Variants in MRPL48 observed in about 807,000 individuals in gnomAD.
MRPL48 encodes the protein mitochondrial ribosomal protein L48, also known as large ribosomal subunit protein mL48.
In MRPL48, 16 loss-of-function variants were observed where a neutral mutation model predicts 32.9. The observed-to-expected ratio is 0.49, with a 90% CI of 0.33 to 0.74. The LOEUF (loss-of-function observed/expected upper bound fraction) is 0.74. Among genes scored for constraint, MRPL48 ranks in the 30% least tolerant of loss-of-function variants. MRPL48 has a pLI of 0.02. For missense variants in MRPL48, 206 were observed against 245.3 expected, an observed-to-expected ratio of 0.84 and a Z score of 1.07; for synonymous variants, 94 against 89.2, an observed-to-expected ratio of 1.05 and a Z score of -0.31.
chr11:73,802,628 C>G lies in MRPL48; in HGVS notation c.22-2399C>G, dbSNP rs923001511. On this transcript the variant is annotated intron_variant, in intron 1 of 7. Transcript: ENST00000310614. ...TAGTATAATGTTTTCAAGATTCATCCCTGTAGTTACATTTTGTTTTTATAT... is the reference window on the plus strand; with the variant it reads ...TAGTATAATGTTTTCAAGATTCATCGCTGTAGTTACATTTTGTTTTTATAT... Among the ~76,000 whole-genome samples, 11 of 152,230 alleles carry G rather than the reference C, an allele frequency of 7.2e-5. No individual in the cohort carries two copies. In the South Asian group the frequency reaches 2.3e-3, roughly 32 times the overall value.
At chr11:73,843,784 A>C (rs1948234637) in intron 4 of MRPL48, among the ~76,000 whole-genome samples, 1 of 151,728 alleles carries the variant, frequency 6.6e-6, no homozygotes, top group Non-Finnish European at 1.5e-5. Flanking sequence ...TTTGCATATA[A>C]ATTTTGGGGC....
At chr11:73,819,062 G>GT (rs1947727645) in intron 3 of MRPL48, among the ~76,000 whole-genome samples, 1 of 152,184 alleles carries the variant, frequency 6.6e-6, no homozygotes, top group Non-Finnish European at 1.5e-5. Context: ...AAAGAATTCA[G>GT]TTGAACTTAT....
At chr11:73,841,283 C>T (rs1948181723) in intron 4 of MRPL48, among the ~76,000 whole-genome samples, 1 of 152,194 alleles carries the variant, frequency 6.6e-6, no homozygotes, top group African/African-American at 2.4e-5. Flanking sequence ...AGTAGTTCAG[C>T]TCCCAGGTAC....
intron 4 of MRPL48, among the ~76,000 whole-genome samples, chr11:73,841,578 A>C (rs1441297656): frequency 6.6e-6 from 1 of 152,212 alleles, no homozygotes; most frequent in Non-Finnish European, 1.5e-5. Flanking sequence ...AATTTCAAAA[A>C]CATGCAAAAT....
At chr11:73,856,327 C>T (rs1404678227) in intron 5 of MRPL48, among the ~76,000 whole-genome samples, 1 of 152,046 alleles carries the variant, frequency 6.6e-6, no homozygotes, top group African/African-American at 2.4e-5. Context: ...TCATCTTAAT[C>T]CATTTTTCCT....
intron 3 of MRPL48, among the ~76,000 whole-genome samples, chr11:73,812,780 C>T (rs570601830): frequency 1.8e-4 from 27 of 150,288 alleles, no homozygotes; most frequent in Non-Finnish European, 3.7e-4. Flanking sequence ...GACTGAGTCA[C>T]GTTCTGTCAC....
Position 73,799,206 on chromosome 11 carries a change from G to T in MRPL48, c.22-5821G>T, listed in dbSNP as rs547038455. On this transcript the variant is annotated intron_variant, in intron 1 of 7. Coordinates refer to ENST00000310614, the MANE Select transcript of MRPL48 (RefSeq NM_016055.6). The stretch of plus-strand genomic sequence containing the variant: ...CCCCATCTCTACAAAGAAAAAATTA[G>T]CCGAGTGTAGTGGCACACATCTGTA... Among the ~76,000 whole-genome samples, 10 of 152,100 alleles carry T rather than the reference G, an allele frequency of 6.6e-5. No individual in the cohort carries two copies. The East Asian group carries it at 1.7e-3, about 26-fold the overall frequency.
At chr11:73,790,363 C>A (rs1947127487) in intron 1 of MRPL48, among the ~76,000 whole-genome samples, 1 of 142,228 alleles carries the variant, frequency 7.0e-6, no homozygotes, top group Admixed American at 7.3e-5. Context: ...GTGTGAGCCA[C>A]CGCACCCGGC....
At chr11:73,839,169 A>T (rs1157421814) in intron 4 of MRPL48, among the ~76,000 whole-genome samples, 1 of 152,166 alleles carries the variant, frequency 6.6e-6, no homozygotes, top group Non-Finnish European at 1.5e-5. Context: ...CTGGCCTTGT[A>T]AAAGGACCAT....
chr11:73,791,949 G>A (rs948142622), intron 1 of MRPL48, among the ~76,000 whole-genome samples: 8 of 151,992 alleles, frequency 5.3e-5, no homozygotes, highest in African/African-American at 9.7e-5. Flanking sequence ...TTTGAGACAC[G>A]GTCTCACTAT....
chr11:73,791,635 T>A (rs1367725703), intron 1 of MRPL48, among the ~76,000 whole-genome samples: 1 of 152,040 alleles, frequency 6.6e-6, no homozygotes, highest in Non-Finnish European at 1.5e-5. Flanking sequence ...CCCAAGCTGG[T>A]CTCAAACTCC....
chr11:73,835,672 G>C (rs1463100261), intron 4 of MRPL48, among the ~76,000 whole-genome samples: 1 of 152,094 alleles, frequency 6.6e-6, no homozygotes, highest in East Asian at 2.0e-4. Context: ...GCGGAGGCTG[G>C]TGGATCACCT....
chr11:73,855,553 TCTCGGCTCA>T (rs1190584822), intron 5 of MRPL48, among the ~76,000 whole-genome samples: 1 of 152,186 alleles, frequency 6.6e-6, no homozygotes, highest in Non-Finnish European at 1.5e-5. Flanking sequence ...AGTGGTGCGA[TCTCGGCTCA>T]CTGCAACCTC....
intron 2 of MRPL48, among the ~76,000 whole-genome samples, chr11:73,807,647 T>C (rs1269390318): frequency 1.4e-5 from 2 of 146,584 alleles, no homozygotes; most frequent in Non-Finnish European, 3.0e-5. Context: ...TTTTTTTTTT[T>C]TTTTTTTGAG....
chr11:73,851,038 A>C (rs1156636356), intron 5 of MRPL48: 4 of 492,598 alleles, frequency 8.1e-6, no homozygotes, highest in Non-Finnish European at 1.6e-5. Context: ...AAGACCCATA[A>C]ATTTGTTTAC....
chr11:73,848,332 T>A (rs906320432), intron 5 of MRPL48, among the ~76,000 whole-genome samples: 22 of 152,184 alleles, frequency 1.4e-4, no homozygotes, highest in African/African-American at 5.3e-4. Context: ...CATATATGCT[T>A]ACACCTGTAC....
At chr11:73,849,973 G>A (rs576346699) in intron 5 of MRPL48, among the ~76,000 whole-genome samples, 30 of 152,104 alleles carry the variant, frequency 2.0e-4, no homozygotes, top group Admixed American at 1.2e-3. Context: ...GGTGGCGTGC[G>A]CCTGTAGTCC....
intron 4 of MRPL48, among the ~76,000 whole-genome samples, chr11:73,835,249 C>T (rs963749482): frequency 2.0e-5 from 3 of 147,082 alleles, no homozygotes; most frequent in Admixed American, 7.0e-5. Context: ...TCAAGCGATT[C>T]TCTTGCCTCA....
intron 3 of MRPL48, among the ~76,000 whole-genome samples, chr11:73,821,812 G>A (rs11235918): frequency 0.15 from 23,080 of 152,066 alleles, 1,859 homozygotes; most frequent in African/African-American, 0.2. Flanking sequence ...ATGGATATTG[G>A]GTTGGTTGTA....
Sources: gnomAD v4.1 joint callset for allele counts (sites outside exome capture counted in the v4.1 genomes callset) on GRCh38, gnomAD v4.1.1 for gene constraint, MANE v1.5 for transcripts, NCBI Gene and HGNC (gene_info 2026-07-23, HGNC 2026-07-21) for gene names.